NTN4: variants seen among roughly 807,000 people sequenced by gnomAD.
NTN4 encodes netrin-4.
A neutral mutation model predicts 73.6 loss-of-function variants in NTN4; 32 were observed. The ratio of observed to expected loss-of-function variants is 0.44; its 90% CI spans 0.33 to 0.58. The LOEUF (loss-of-function observed/expected upper bound fraction) is 0.58. Ranked by LOEUF, NTN4 falls within the 20% of genes least tolerant of loss-of-function variation. NTN4 has a pLI of 0.04. For missense variants in NTN4, 654 were observed against 798.3 expected, an observed-to-expected ratio of 0.82 and a Z score of 2.18; for synonymous variants, 258 against 287.5, an observed-to-expected ratio of 0.90 and a Z score of 1.04.
chr12:95,711,348 C>T (rs979526154), intron 4 of NTN4, among the ~76,000 whole-genome samples: 1 of 152,152 alleles, frequency 6.6e-6, no homozygotes, highest in Non-Finnish European at 1.5e-5. Flanking sequence ...GAGTGACAAC[C>T]AGTTTTTTAC....
chr12:95,705,172 G>C (rs745338480), intron 5 of NTN4, among the ~76,000 whole-genome samples: 3 of 151,986 alleles, frequency 2.0e-5, no homozygotes, highest in African/African-American at 2.4e-5. Flanking sequence ...TATGTTTCAG[G>C]GCAATTTTTT....
At chr12:95,697,629 CT>C (rs78324339) in intron 5 of NTN4, among the ~76,000 whole-genome samples, 1,679 of 129,316 alleles carry the variant, frequency 0.013, 24 homozygotes, top group African/African-American at 0.041. Flanking sequence ...AAGGCTTTTA[CT>C]TTTTTTTTTT....
intron 5 of NTN4, among the ~76,000 whole-genome samples, chr12:95,685,631 T>G (rs1390374870): frequency 6.6e-6 from 1 of 152,214 alleles, no homozygotes; most frequent in East Asian, 1.9e-4. Context: ...TTTTTCCCCT[T>G]GGAAACTTCT....
In NTN4 at chr12:95,683,659, G is replaced by A. The variant is rs757785546; in HGVS notation, c.1233C>T (p.Thr411=). The A allele has an allele frequency of 1.2e-6, 2 of 1,613,760 alleles. No homozygotes were observed. Among genetic ancestry groups the A allele is most frequent in the African/African-American group, 2.7e-5 (2 of 74,912 alleles). The change falls in exon 6 of 10, where the codon ACC becomes ACT. Residue 411 remains threonine (T), a synonymous_variant. Coordinates refer to ENST00000343702, the MANE Select transcript of NTN4 (RefSeq NM_021229.4). ...GSAVLPANSV[T]FCDPSNGDCP... ...AGTCACCATTGCTGGGGTCGCAGAAGGTCACTGAGTTGGCAGGAAGGACAG... is the reference window on the plus strand; with the variant it reads ...AGTCACCATTGCTGGGGTCGCAGAAAGTCACTGAGTTGGCAGGAAGGACAG...
chr12:95,752,262 G>A (rs923068542), intron 2 of NTN4, among the ~76,000 whole-genome samples: 7 of 150,094 alleles, frequency 4.7e-5, no homozygotes, highest in African/African-American at 1.7e-4. Flanking sequence ...CATTTTACCT[G>A]TCCTAGAACC....
chr12:95,667,277 C>T (rs979929518), intron 8 of NTN4, among the ~76,000 whole-genome samples: 2 of 151,500 alleles, frequency 1.3e-5, no homozygotes, highest in Non-Finnish European at 2.9e-5. Context: ...GCAACCTCCG[C>T]CTCCGAGGTT....
chr12:95,744,083 G>C (rs2078844828), intron 2 of NTN4, among the ~76,000 whole-genome samples: 1 of 151,996 alleles, frequency 6.6e-6, no homozygotes, highest in African/African-American at 2.4e-5. Context: ...TGCATTTTTA[G>C]TAGAGATGGG....
intron 3 of NTN4, among the ~76,000 whole-genome samples, chr12:95,720,581 CAA>C (rs2078640404): frequency 6.6e-6 from 1 of 151,976 alleles, no homozygotes. Flanking sequence ...CTTGAGAACT[CAA>C]GTTACCGAGC....
At chr12:95,668,758 G>T (rs1020353691) in intron 8 of NTN4, among the ~76,000 whole-genome samples, 2 of 152,208 alleles carry the variant, frequency 1.3e-5, no homozygotes, top group Non-Finnish European at 2.9e-5. Context: ...GGGAGGCCGA[G>T]GCAGGCAGAT....
rs765310982 is a variant in NTN4 at position 95,659,143 on chromosome 12, G to A, written c.1830C>T (p.His610=). ...CTTTTCTTCCAAGAGAAGGTTTCCA[G>A]TGCTGGACAAAGCTTTTCATATTCA... ...LIVNMKSFVQ[H]WKPSLGRKVM... is the part of the protein sequence containing the mutation. The change falls in exon 10 of 10, where the codon CAC becomes CAT. Residue 610 remains histidine (H), a synonymous_variant. Coordinates refer to ENST00000343702, the MANE Select transcript of NTN4 (RefSeq NM_021229.4). 3.1e-6 allele frequency: 5 copies of A among 1,613,578 alleles called. No homozygotes were observed. Among genetic ancestry groups the A allele is most frequent in the Non-Finnish European group, 4.2e-6 (5 of 1,179,808 alleles).
At chr12:95,704,642 G>A (rs570067907) in intron 5 of NTN4, among the ~76,000 whole-genome samples, 5 of 152,208 alleles carry the variant, frequency 3.3e-5, no homozygotes, top group Admixed American at 1.3e-4. Flanking sequence ...TAGAGAGTAC[G>A]TAGGTAGAGA....
chr12:95,756,542 T>C (rs1040127951), intron 2 of NTN4, among the ~76,000 whole-genome samples: 1 of 152,150 alleles, frequency 6.6e-6, no homozygotes, highest in Non-Finnish European at 1.5e-5. Flanking sequence ...TGGACAGGCC[T>C]CTTGGATGCT....
intron 7 of NTN4, among the ~76,000 whole-genome samples, chr12:95,682,024 C>A (rs1246277689): frequency 8.1e-6 from 1 of 123,078 alleles, no homozygotes; most frequent in Non-Finnish European, 1.7e-5. Context: ...TTCAATGGAT[C>A]TGTAAATTTC....
intron 3 of NTN4, 95 bp from the exon 4 acceptor site, chr12:95,713,433 G>C (rs1317874695): frequency 3.0e-6 from 4 of 1,350,202 alleles, no homozygotes; most frequent in Non-Finnish European, 3.0e-6. Context: ...ATTGGCTTTA[G>C]TCATAAGATG....
At chr12:95,681,568 C>T (rs761446029) in intron 7 of NTN4, among the ~76,000 whole-genome samples, 6 of 152,112 alleles carry the variant, frequency 3.9e-5, no homozygotes, top group Admixed American at 1.3e-4. Flanking sequence ...CAAGTGTTGA[C>T]GCAATATTTC....
chr12:95,683,988 G>A (rs2078340472), intron 5 of NTN4, among the ~76,000 whole-genome samples: 1 of 152,180 alleles, frequency 6.6e-6, no homozygotes, highest in South Asian at 2.1e-4. Flanking sequence ...GGGTGATGAG[G>A]ACGAACCAGC....
intron 7 of NTN4, chr12:95,670,410 T>C: frequency 3.4e-6 from 1 of 293,104 alleles, no homozygotes; most frequent in Non-Finnish European, 6.3e-6. Context: ...GTAATTGATG[T>C]TGTGATAAAT....
rs1433749489 is a variant in NTN4, at chr12:95,781,918, T to C, written c.585+5021A>G. On this transcript the variant is annotated intron_variant, in intron 2 of 9. Transcript: ENST00000343702. The surrounding 1 kb of genome is among the most constrained non-coding windows in gnomAD (Gnocchi z 4.1). ...AGTTTCATGGATACAGGGATTTTTA[T>C]GTGTTTGGTTCACTGCCATGTCTAT... Among the ~76,000 whole-genome samples, 1 of 152,232 alleles carries C rather than the reference T, an allele frequency of 6.6e-6. No individual in the cohort carries two copies. Among genetic ancestry groups the C allele is most frequent in the Non-Finnish European group, 1.5e-5 (1 of 68,048 alleles).
At chr12:95,780,601 A>G (rs1405010458) in intron 2 of NTN4, among the ~76,000 whole-genome samples, 1 of 152,240 alleles carries the variant, frequency 6.6e-6, no homozygotes, top group Admixed American at 6.5e-5. Context: ...CCGCAATGAG[A>G]TACCATCTCA....
Sources: allele counts gnomAD v4.1 joint callset (sites outside exome capture counted in the v4.1 genomes callset), GRCh38; gene constraint gnomAD v4.1.1; non-coding constraint Gnocchi (gnomAD v3.1); transcripts MANE v1.5; gene names NCBI Gene and HGNC (gene_info 2026-07-23, HGNC 2026-07-21).